Variants in LRRC37A observed in about 807,000 individuals in gnomAD.
LRRC37A encodes leucine-rich repeat-containing protein 37A.
Under a neutral mutation model 35.4 loss-of-function variants are expected in LRRC37A, and 3 were observed. That is an observed-to-expected ratio of 0.08 (90% CI 0.04 to 0.22). The LOEUF is 0.22. Ranked by LOEUF, LRRC37A falls within the 10% of genes least tolerant of loss-of-function variation. The pLI is 1.00. For missense variants in LRRC37A, 67 were observed against 565.3 expected, an observed-to-expected ratio of 0.12 and a Z score of 8.94; for synonymous variants, 23 against 215.0, an observed-to-expected ratio of 0.11 and a Z score of 7.81.
At chr17:46,248,737 T>G in the LRRC37A span, among the ~76,000 whole-genome samples, 2 of 151,934 alleles carry the variant, frequency 1.3e-5, no homozygotes, top group African/African-American at 4.9e-5. Context: ...CCAGGCTGGT[T>G]TGGAAGTCCT....
chr17:46,283,303 TG>T, the LRRC37A span, among the ~76,000 whole-genome samples: 1 of 152,232 alleles, frequency 6.6e-6, no homozygotes, highest in Non-Finnish European at 1.5e-5. Context: ...ATTCAACTCA[TG>T]TGTACCCACA....
the LRRC37A span, chr17:46,268,546 G>A: frequency 6.7e-7 from 1 of 1,485,174 alleles, no homozygotes; most frequent in South Asian, 1.4e-5. Flanking sequence ...CATAAGAGAG[G>A]GCAGCTTCCT....
At chr17:46,256,749 A>C in the LRRC37A span, among the ~76,000 whole-genome samples, 1 of 152,166 alleles carries the variant, frequency 6.6e-6, no homozygotes, top group Non-Finnish European at 1.5e-5. Flanking sequence ...CAGGCTCTTG[A>C]CCCTAAGACC....
chr17:46,276,790 C>CTTTTCTT, the LRRC37A span, among the ~76,000 whole-genome samples: 2 of 134,308 alleles, frequency 1.5e-5, no homozygotes, highest in Non-Finnish European at 3.2e-5. Flanking sequence ...TTCTTTTTTT[C>CTTTTCTT]TTTTTTTTTT....
At chr17:46,252,727 A>G in the LRRC37A span, among the ~76,000 whole-genome samples, 1 of 151,510 alleles carries the variant, frequency 6.6e-6, no homozygotes, top group South Asian at 2.1e-4. Flanking sequence ...AGGCAGAAGA[A>G]TTTTTCTTAG....
At chr17:46,255,564 C>T in the LRRC37A span, among the ~76,000 whole-genome samples, 4 of 151,658 alleles carry the variant, frequency 2.6e-5, no homozygotes, top group South Asian at 2.1e-4. Context: ...TGGGGTTTCT[C>T]CATGTTGGTC....
upstream of LRRC37A, among the ~76,000 whole-genome samples, chr17:46,291,969 C>CAAAAAAAAAAAAAA (rs59554870): frequency 2.4e-4 from 14 of 58,090 alleles, no homozygotes; most frequent in Admixed American, 4.0e-4. Context: ...TCTCAAAAAG[C>CAAAAAAAAAAAAAA]AAAAAAAAAA....
At chr17:46,265,272 TC>T in the LRRC37A span, among the ~76,000 whole-genome samples, 1 of 69,060 alleles carries the variant, frequency 1.4e-5, no homozygotes, top group Non-Finnish European at 3.9e-5. Context: ...TTCTTCTTCT[TC>T]TTCTTCTTCT....
chr17:46,258,395 G>A, the LRRC37A span, among the ~76,000 whole-genome samples: 1 of 152,210 alleles, frequency 6.6e-6, no homozygotes, highest in African/African-American at 2.4e-5. Context: ...ATTTTTAATA[G>A]AGATGGGGTT....
chr17:46,259,765 G>A, the LRRC37A span: 5 of 1,560,958 alleles, frequency 3.2e-6, no homozygotes, highest in East Asian at 9.7e-5. Context: ...CCAGCCAGCA[G>A]GTCCTATGCC....
the LRRC37A span, among the ~76,000 whole-genome samples, chr17:46,273,270 A>G: frequency 5.9e-5 from 9 of 152,266 alleles, no homozygotes; most frequent in African/African-American, 2.2e-4. Flanking sequence ...TTTAAAAAGT[A>G]AAAGGACAAA....
the LRRC37A span, among the ~76,000 whole-genome samples, chr17:46,277,884 G>A: frequency 9.9e-5 from 15 of 151,774 alleles, no homozygotes; most frequent in Non-Finnish European, 2.2e-4. Context: ...TGACCTAACC[G>A]CCCACCTCAG....
the LRRC37A span, among the ~76,000 whole-genome samples, chr17:46,251,305 C>A: frequency 6.6e-6 from 1 of 150,616 alleles, no homozygotes; most frequent in Non-Finnish European, 1.5e-5. Context: ...GTTGCCCAGG[C>A]TGGAGTGAAA....
At chr17:46,287,702 T>A in the LRRC37A span, among the ~76,000 whole-genome samples, 3 of 152,214 alleles carry the variant, frequency 2.0e-5, no homozygotes, top group East Asian at 5.8e-4. Flanking sequence ...GTAGGGAACG[T>A]GGAAGGAGCT....
At chr17:46,270,394 T>C in the LRRC37A span, among the ~76,000 whole-genome samples, 1 of 152,256 alleles carries the variant, frequency 6.6e-6, no homozygotes, top group Non-Finnish European at 1.5e-5. Context: ...CTGAGTGTTC[T>C]ATGGTAAAGC....
upstream of LRRC37A, among the ~76,000 whole-genome samples, chr17:46,287,942 T>C (rs527736116): frequency 6.6e-6 from 1 of 152,314 alleles, no homozygotes; most frequent in African/African-American, 2.4e-5. Context: ...AGGCACAGTG[T>C]AGGAACATCA....
the LRRC37A span, among the ~76,000 whole-genome samples, chr17:46,252,749 A>G: frequency 6.6e-6 from 1 of 152,052 alleles, no homozygotes; most frequent in African/African-American, 2.4e-5. Context: ...ATAGAACAAA[A>G]TGAAAAGTCT....
the LRRC37A span, among the ~76,000 whole-genome samples, chr17:46,248,445 G>T: frequency 2.0e-5 from 3 of 152,108 alleles, no homozygotes; most frequent in Non-Finnish European, 4.4e-5. Context: ...ATTTCCTATA[G>T]TTTTGCCTTT....
At chr17:46,292,984 C>A (rs1235033967), upstream of LRRC37A, 17 of 43,208 alleles carry the variant, frequency 3.9e-4, 3 homozygotes, top group African/African-American at 9.1e-4. Flanking sequence ...GATGGAGTCT[C>A]GCTCTGTTGT....
Sources: gnomAD v4.1 joint callset for allele counts (sites outside exome capture counted in the v4.1 genomes callset) on GRCh38, gnomAD v4.1.1 for gene constraint, MANE v1.5 for transcripts, NCBI Gene and HGNC (gene_info 2026-07-23, HGNC 2026-07-21) for gene names.